The following RBFOX1 variants were observed in gnomAD, a reference collection of about 807,000 sequenced individuals.
RBFOX1 encodes the protein RNA binding fox-1 homolog 1.
A neutral mutation model predicts 57.7 loss-of-function variants in RBFOX1; 8 were observed. That is an observed-to-expected ratio of 0.14 (90% confidence interval 0.08 to 0.25). The LOEUF (loss-of-function observed/expected upper bound fraction) is 0.25. Ranked by LOEUF, RBFOX1 falls within the 10% of genes least tolerant of loss-of-function variation. The pLI is 1.00. For synonymous variants in RBFOX1, 326 were observed against 222.4 expected (o/e 1.47, Z -4.15); for missense variants, 611 against 548.5 (o/e 1.11, Z -1.14).
At chr16:5,856,605 A>ATATATATATATATATATATATATATATAT (rs57978858) in intron 3 of RBFOX1, among the ~76,000 whole-genome samples, 2 of 74,024 alleles carry the variant, frequency 2.7e-5, no homozygotes, top group African/African-American at 4.4e-5. Context: ...ATATATATAT[A>ATATATATATATATATATATATATATATAT]ATCTTAGCCA....
chr16:7,484,464 G>A (rs2064854627), intron 4 of RBFOX1, among the ~76,000 whole-genome samples: 2 of 152,126 alleles, frequency 1.3e-5, no homozygotes, highest in South Asian at 4.2e-4. Flanking sequence ...TGTAGCATTG[G>A]GTATTTATTT....
chr16:7,128,454 G>T (rs932776185), intron 4 of RBFOX1, among the ~76,000 whole-genome samples: 1 of 152,202 alleles, frequency 6.6e-6, no homozygotes, highest in Non-Finnish European at 1.5e-5. Flanking sequence ...GAATCCTCCA[G>T]GGTGACATCA....
intron 3 of RBFOX1, among the ~76,000 whole-genome samples, chr16:6,981,729 T>A (rs544536414): frequency 2.6e-5 from 4 of 152,212 alleles, no homozygotes; most frequent in African/African-American, 9.6e-5. Context: ...GAACAGCACA[T>A]GAAAGACCAG....
intron 1 of RBFOX1, among the ~76,000 whole-genome samples, chr16:6,260,665 G>A (rs1247004922): frequency 1.3e-5 from 2 of 152,134 alleles, no homozygotes; most frequent in Non-Finnish European, 1.5e-5. Flanking sequence ...ATCACTTGAG[G>A]TCACGAGTTT....
At chr16:7,281,371 C>T (rs1439414297) in intron 4 of RBFOX1, among the ~76,000 whole-genome samples, 4 of 151,754 alleles carry the variant, frequency 2.6e-5, no homozygotes, top group East Asian at 3.9e-4. Context: ...GGCAGATGGG[C>T]TGCTTCCCTT....
chr16:6,067,067 AAATGCAATGGAAAAGTCACTGCC>A (rs2095774776), intron 1 of RBFOX1, among the ~76,000 whole-genome samples: 1 of 152,182 alleles, frequency 6.6e-6, no homozygotes, highest in South Asian at 2.1e-4. Context: ...GATTCATGGG[AAATGCAATGGAAAAGTCACTGCC>A]GAGTCCCTCT....
chr16:7,156,202 T>A (rs1344193310), intron 4 of RBFOX1, among the ~76,000 whole-genome samples: 1 of 150,560 alleles, frequency 6.6e-6, no homozygotes, highest in Non-Finnish European at 1.5e-5. Flanking sequence ...TTCTCAAGAC[T>A]TGCTACTCTG....
intron 3 of RBFOX1, among the ~76,000 whole-genome samples, chr16:6,801,620 C>T (rs1285563921): frequency 1.3e-5 from 2 of 151,844 alleles, no homozygotes; most frequent in African/African-American, 4.8e-5. Context: ...ATGTGTCCAT[C>T]AGGAGACAGC....
intron 4 of RBFOX1, among the ~76,000 whole-genome samples, chr16:7,441,851 G>T (rs2098770244): frequency 6.6e-6 from 1 of 152,110 alleles, no homozygotes; most frequent in Non-Finnish European, 1.5e-5. Context: ...CGATCCACTG[G>T]CTGTCACAGG....
chr16:5,997,837 T>C (rs923660850), intron 4 of RBFOX1, among the ~76,000 whole-genome samples: 2 of 151,338 alleles, frequency 1.3e-5, no homozygotes, highest in Non-Finnish European at 2.9e-5. Flanking sequence ...TGCCTGTACA[T>C]TTAGTTTACT....
intron 4 of RBFOX1, among the ~76,000 whole-genome samples, chr16:5,970,417 G>T (rs370566574): frequency 1.3e-5 from 2 of 152,004 alleles, no homozygotes; most frequent in African/African-American, 4.8e-5. Context: ...TCATTTTTTT[G>T]GGATTAAAAC....
chr16:6,945,629 G>T (rs757315678), intron 3 of RBFOX1, among the ~76,000 whole-genome samples: 1 of 152,028 alleles, frequency 6.6e-6, no homozygotes, highest in African/African-American at 2.4e-5. Context: ...GGTGGCTCAC[G>T]CCTGTAATCC....
At chr16:6,094,488 C>T (rs1202672614) in intron 1 of RBFOX1, among the ~76,000 whole-genome samples, 2 of 152,100 alleles carry the variant, frequency 1.3e-5, no homozygotes, top group South Asian at 4.1e-4. Flanking sequence ...CTGACATGCT[C>T]ACTAGACATT....
intron 3 of RBFOX1, among the ~76,000 whole-genome samples, chr16:6,995,917 T>G (rs767230703): frequency 2.8e-4 from 43 of 152,158 alleles, no homozygotes; most frequent in Non-Finnish European, 4.1e-4. Context: ...TTAGAAAGCA[T>G]ATATAGGAAA....
intron 3 of RBFOX1, among the ~76,000 whole-genome samples, chr16:6,953,322 C>T (rs1007109186): frequency 6.6e-6 from 1 of 152,108 alleles, no homozygotes; most frequent in Non-Finnish European, 1.5e-5. Context: ...TATGGAGTCT[C>T]TTTCACCAGC....
chr16:5,271,021 G>A, intron 1 of RBFOX1: 1 of 276,590 alleles, frequency 3.6e-6, no homozygotes, highest in South Asian at 3.7e-5. Context: ...AAACAACAAT[G>A]AAAAAAGCAA....
intron 4 of RBFOX1, among the ~76,000 whole-genome samples, chr16:7,153,006 C>G (rs1034719277): frequency 2.6e-5 from 4 of 152,134 alleles, no homozygotes; most frequent in Non-Finnish European, 5.9e-5. Flanking sequence ...AGAGTGTGTT[C>G]ATTTGTGATT....
At chr16:7,580,780 G>C (rs2093699414) in intron 6 of RBFOX1, among the ~76,000 whole-genome samples, 1 of 152,184 alleles carries the variant, frequency 6.6e-6, no homozygotes, top group Non-Finnish European at 1.5e-5. Context: ...ACAGGGCTTG[G>C]ATATCATTCA....
At chr16:6,800,858 T>C (rs1004312926) in intron 3 of RBFOX1, among the ~76,000 whole-genome samples, 18 of 152,160 alleles carry the variant, frequency 1.2e-4, no homozygotes, top group African/African-American at 2.9e-4. Context: ...CATTTTCTTC[T>C]GGTTGTTTTT....
Sources: gnomAD v4.1 joint callset for allele counts (sites outside exome capture counted in the v4.1 genomes callset) on GRCh38, gnomAD v4.1.1 for gene constraint, MANE v1.5 for transcripts, NCBI Gene and HGNC (gene_info 2026-07-23, HGNC 2026-07-21) for gene names.